The following CALN1 variants were observed in gnomAD, a reference collection of about 807,000 sequenced individuals.
CALN1 encodes the protein calcium-binding protein 8.
Under a neutral mutation model 30.6 loss-of-function variants are expected in CALN1, and 17 were observed. The observed-to-expected ratio is 0.56, with a 90% CI of 0.38 to 0.83. The LOEUF (loss-of-function observed/expected upper bound fraction) is 0.83, where lower values mean the gene tolerates loss of function less well. Ranked by LOEUF, CALN1 falls within the 40% of genes least tolerant of loss-of-function variation. The pLI is 0.00. For missense variants in CALN1, 291 were observed against 354.9 expected (o/e 0.82, Z 1.45); for synonymous variants, 156 against 131.4 (o/e 1.19, Z -1.28).
intron 3 of CALN1, among the ~76,000 whole-genome samples, chr7:72,262,196 G>A (rs1796313490): frequency 6.6e-6 from 1 of 152,138 alleles, no homozygotes; most frequent in Non-Finnish European, 1.5e-5. Flanking sequence ...AGTATTATAG[G>A]ACACATCTAC....
At chr7:72,377,034 A>C (rs529374861) in intron 2 of CALN1, among the ~76,000 whole-genome samples, 112 of 152,324 alleles carry the variant, frequency 7.4e-4, no homozygotes, top group African/African-American at 2.5e-3. Flanking sequence ...TCTCAATTCT[A>C]TTCCATGGCA....
At chr7:72,329,455 T>A (rs1585506163) in intron 2 of CALN1, among the ~76,000 whole-genome samples, 1 of 152,120 alleles carries the variant, frequency 6.6e-6, no homozygotes. Context: ...CTCCACAGGG[T>A]GACCCTATAT....
intron 1 of CALN1, among the ~76,000 whole-genome samples, chr7:72,434,735 T>A (rs912200049): frequency 1.3e-5 from 2 of 152,146 alleles, no homozygotes; most frequent in African/African-American, 4.8e-5. Flanking sequence ...TAAAAGCATG[T>A]CTCCCTGTCT....
At chr7:72,148,100 A>G (rs1321331136) in intron 3 of CALN1, among the ~76,000 whole-genome samples, 1 of 137,414 alleles carries the variant, frequency 7.3e-6, no homozygotes, top group Non-Finnish European at 1.5e-5. Flanking sequence ...ATAAAAAAAA[A>G]TAAAAAAAAA....
chr7:72,292,820 C>CAAAAAAAAAA (rs57352664), intron 2 of CALN1, among the ~76,000 whole-genome samples: 3,813 of 112,052 alleles, frequency 0.034, 147 homozygotes, highest in East Asian at 0.049. Context: ...TACTCTGTCT[C>CAAAAAAAAAA]AAAAAAAAAA....
intron 5 of CALN1, among the ~76,000 whole-genome samples, chr7:71,891,478 T>C (rs1223933624): frequency 6.6e-6 from 1 of 152,216 alleles, no homozygotes; most frequent in East Asian, 1.9e-4. Context: ...CAGAATTATT[T>C]ATCCTAGACT....
chr7:72,238,082 A>G (rs941916808), intron 3 of CALN1, among the ~76,000 whole-genome samples: 2 of 152,208 alleles, frequency 1.3e-5, no homozygotes, highest in East Asian at 3.8e-4. Flanking sequence ...CGGGTTCACC[A>G]AAGCTCCAGG....
intron 5 of CALN1, among the ~76,000 whole-genome samples, chr7:71,891,275 C>T (rs947937564): frequency 2.0e-5 from 3 of 152,142 alleles, no homozygotes; most frequent in African/African-American, 7.2e-5. Context: ...TCCTAGAAAT[C>T]GAACTATTAG....
At chr7:72,423,484 G>C (rs553051906) in intron 1 of CALN1, among the ~76,000 whole-genome samples, 1 of 152,246 alleles carries the variant, frequency 6.6e-6, no homozygotes, top group East Asian at 1.9e-4. Context: ...ACCATCCAAG[G>C]CTGGCTTTCC....
chr7:72,216,319 G>A (rs900788489), intron 3 of CALN1, among the ~76,000 whole-genome samples: 8 of 151,868 alleles, frequency 5.3e-5, no homozygotes, highest in Admixed American at 2.0e-4. Context: ...CCAGATACTC[G>A]GGAGGCCTAA....
rs1056086041 is a variant in CALN1, at chr7:71,779,834, G to A, written c.*7941C>T. On this transcript the variant is annotated 3_prime_UTR_variant, in exon 7 of 7. Coordinates refer to ENST00000395275, the MANE Select transcript of CALN1 (RefSeq NM_031468.4). ...GGTAAATGGGAAGATGGTGATTGATGAGTTCCGTCTTAGTGGCTTATTCTG... is the reference window on the plus strand; with the variant it reads ...GGTAAATGGGAAGATGGTGATTGATAAGTTCCGTCTTAGTGGCTTATTCTG... 1 of 152,184 alleles carries A rather than the reference G, an allele frequency of 6.6e-6. No homozygotes were observed. Among genetic ancestry groups the A allele is most frequent in the African/African-American group, 2.4e-5 (1 of 41,440 alleles). 9.4% of individuals were successfully genotyped at this position (152,184 alleles called of 1,614,324 possible). A position where few individuals can be genotyped will look rare whatever the true frequency, so the allele number is the denominator to read the frequency against.
At chr7:71,967,404 G>A (rs1011002659) in intron 5 of CALN1, among the ~76,000 whole-genome samples, 21 of 151,980 alleles carry the variant, frequency 1.4e-4, no homozygotes, top group African/African-American at 4.8e-4. Context: ...ACCAAGTCAG[G>A]ATGGCTTTAA....
intron 3 of CALN1, among the ~76,000 whole-genome samples, chr7:72,134,196 G>A (rs1189796547): frequency 6.6e-6 from 1 of 152,190 alleles, no homozygotes; most frequent in Admixed American, 6.5e-5. Context: ...CATCTTGGAA[G>A]GAGAGAACAG....
At chr7:72,047,766 G>A (rs776525685) in intron 4 of CALN1, among the ~76,000 whole-genome samples, 4 of 152,120 alleles carry the variant, frequency 2.6e-5, no homozygotes, top group Non-Finnish European at 5.9e-5. Context: ...CATCGTGCTC[G>A]GCCTTGGGGA....
intron 2 of CALN1, among the ~76,000 whole-genome samples, chr7:72,287,522 C>T (rs1798168598): frequency 7.3e-6 from 1 of 137,578 alleles, no homozygotes; most frequent in Non-Finnish European, 1.5e-5. Flanking sequence ...TCTTGGCTCA[C>T]TGCAAGCTCC....
chr7:72,091,735 C>T (rs186969072), intron 4 of CALN1, among the ~76,000 whole-genome samples: 2 of 152,296 alleles, frequency 1.3e-5, no homozygotes, highest in African/African-American at 2.4e-5. Context: ...TGGCAGATGC[C>T]GTACCCAGAG....
At chr7:71,997,995 A>G (rs1799336609) in intron 5 of CALN1, among the ~76,000 whole-genome samples, 1 of 151,716 alleles carries the variant, frequency 6.6e-6, no homozygotes, top group East Asian at 1.9e-4. Context: ...TTATTTTTGT[A>G]TTTTTAGTAA....
intron 5 of CALN1, among the ~76,000 whole-genome samples, chr7:71,958,340 G>A (rs959742474): frequency 5.3e-5 from 8 of 152,062 alleles, no homozygotes; most frequent in African/African-American, 1.9e-4. Context: ...GTTAAAATGA[G>A]CTTATTATTA....
intron 2 of CALN1, among the ~76,000 whole-genome samples, chr7:72,362,163 A>G (rs901617736): frequency 1.3e-4 from 20 of 152,346 alleles, no homozygotes; most frequent in African/African-American, 4.3e-4. Flanking sequence ...CCAAATGAAT[A>G]AAATATCCAC....
Sources: allele counts gnomAD v4.1 joint callset (sites outside exome capture counted in the v4.1 genomes callset), GRCh38; gene constraint gnomAD v4.1.1; transcripts MANE v1.5; gene names NCBI Gene and HGNC (gene_info 2026-07-23, HGNC 2026-07-21).